The following PDZRN3 variants were observed in gnomAD, a reference collection of about 807,000 sequenced individuals.
PDZRN3 encodes the protein PDZ domain containing ring finger 3, also known as E3 ubiquitin-protein ligase PDZRN3.
A neutral mutation model predicts 85.7 loss-of-function variants in PDZRN3; 38 were observed. That is an observed-to-expected ratio of 0.44 (90% CI 0.34 to 0.58). PDZRN3 has a LOEUF of 0.58. PDZRN3 is among the 20% of genes least tolerant of loss of function. The probability of loss-of-function intolerance (pLI) is 0.01; values close to 1 mark genes in which losing one functional copy is unlikely to be tolerated. For synonymous variants in PDZRN3, 759 were observed against 638.0 expected, an observed-to-expected ratio of 1.19 and a Z score of -2.86; for missense variants, 1,629 against 1,506.4, an observed-to-expected ratio of 1.08 and a Z score of -1.35.
At chr3:73,525,297 G>A (rs1253173113) in intron 3 of PDZRN3, among the ~76,000 whole-genome samples, 3 of 152,068 alleles carry the variant, frequency 2.0e-5, no homozygotes, top group South Asian at 2.1e-4. Flanking sequence ...CTATGTATAC[G>A]TGTGTGTATA....
At chr3:73,588,955 A>T (rs1203406668) in intron 3 of PDZRN3, among the ~76,000 whole-genome samples, 1 of 151,164 alleles carries the variant, frequency 6.6e-6, no homozygotes, top group East Asian at 1.9e-4. Context: ...ATGAAGGGGG[A>T]CTCTTTCCAC....
intron 3 of PDZRN3, among the ~76,000 whole-genome samples, chr3:73,579,390 G>A (rs1006468379): frequency 1.3e-5 from 2 of 152,026 alleles, no homozygotes; most frequent in African/African-American, 4.8e-5. Flanking sequence ...TACTCTGTGG[G>A]GTCTAAAGCC....
chr3:73,426,432 CA>C (rs1702316606), intron 3 of PDZRN3, among the ~76,000 whole-genome samples: 1 of 152,152 alleles, frequency 6.6e-6, no homozygotes, highest in African/African-American at 2.4e-5. Flanking sequence ...CTCTCCTTTA[CA>C]GACAAAATTC....
At chr3:73,506,261 C>T (rs1704068943) in intron 3 of PDZRN3, among the ~76,000 whole-genome samples, 1 of 152,132 alleles carries the variant, frequency 6.6e-6, no homozygotes, top group Admixed American at 6.6e-5. Flanking sequence ...TGAAGTCGGG[C>T]CTGGGCAGGA....
At chr3:73,458,349 C>T (rs1031846283) in intron 3 of PDZRN3, among the ~76,000 whole-genome samples, 11 of 151,748 alleles carry the variant, frequency 7.2e-5, no homozygotes, top group African/African-American at 2.7e-4. Flanking sequence ...AGACTGGCCA[C>T]CTCTAAGTAC....
At chr3:73,421,510 A>G (rs1702202358) in intron 3 of PDZRN3, among the ~76,000 whole-genome samples, 1 of 152,204 alleles carries the variant, frequency 6.6e-6, no homozygotes, top group Non-Finnish European at 1.5e-5. Flanking sequence ...TGCTGCCTTT[A>G]AGACAATCAG....
intron 3 of PDZRN3, among the ~76,000 whole-genome samples, chr3:73,449,654 T>A (rs1702819842): frequency 6.6e-6 from 1 of 152,222 alleles, no homozygotes; most frequent in African/African-American, 2.4e-5. Flanking sequence ...TTCGGTAATA[T>A]AATCAAGCTT....
intron 3 of PDZRN3, among the ~76,000 whole-genome samples, chr3:73,552,225 AGTGTGTGT>A (rs55784793): frequency 2.6e-4 from 39 of 147,832 alleles, no homozygotes; most frequent in South Asian, 2.2e-3. Context: ...GAATTAAAGG[AGTGTGTGT>A]GTGTGTGTGT....
chr3:73,450,526 G>A (rs1406184095), intron 3 of PDZRN3, among the ~76,000 whole-genome samples: 1 of 152,156 alleles, frequency 6.6e-6, no homozygotes, highest in African/African-American at 2.4e-5. Context: ...TTTCTTTTTA[G>A]CAGGGAGGAC....
intron 3 of PDZRN3, among the ~76,000 whole-genome samples, chr3:73,458,662 T>A (rs1374354773): frequency 6.6e-6 from 1 of 150,930 alleles, no homozygotes; most frequent in Non-Finnish European, 1.5e-5. Flanking sequence ...CTCACACCTC[T>A]ATGAAGAAAT....
chr3:73,389,976 C>G lies in PDZRN3; in HGVS notation c.1354-98G>C, dbSNP rs1416477793. Reference sequence around the variant, plus strand: ...ATTTCTAAAACACAGTCATGCTCACCCCTGTGTTTCTGTTTTGCACAGAAA... The same window carrying G: ...ATTTCTAAAACACAGTCATGCTCACGCCTGTGTTTCTGTTTTGCACAGAAA... On this transcript the variant is annotated intron_variant, in intron 6 of 9. Coordinates refer to ENST00000263666, the MANE Select transcript of PDZRN3 (RefSeq NM_015009.3). The G allele has an allele frequency of 3.4e-6, 3 of 869,970 alleles. No homozygotes were observed. In the South Asian group the frequency reaches 4.0e-5, roughly 12 times the overall value. 53.9% of individuals were successfully genotyped at this position (869,970 alleles called of 1,614,324 possible). A position where few individuals can be genotyped will look rare whatever the true frequency, so the allele number is the denominator to read the frequency against.
chr3:73,431,815 C>G (rs868612442), intron 3 of PDZRN3, among the ~76,000 whole-genome samples: 1 of 151,998 alleles, frequency 6.6e-6, no homozygotes, highest in South Asian at 2.1e-4. Flanking sequence ...AAAAAACAAA[C>G]AACAGAATCC....
At chr3:73,410,450 T>C (rs1277909365) in intron 3 of PDZRN3, among the ~76,000 whole-genome samples, 5 of 152,212 alleles carry the variant, frequency 3.3e-5, no homozygotes, top group South Asian at 2.1e-4. Context: ...TGGGTTCTAG[T>C]TGGGACCTCA....
chr3:73,605,198 C>A (rs1702579326), intron 2 of PDZRN3, among the ~76,000 whole-genome samples: 1 of 146,896 alleles, frequency 6.8e-6, no homozygotes, highest in Non-Finnish European at 1.5e-5. Flanking sequence ...CAGAGTGAGA[C>A]CCCCGTCTCA....
chr3:73,437,116 T>A (rs1702546680), intron 3 of PDZRN3, among the ~76,000 whole-genome samples: 1 of 151,882 alleles, frequency 6.6e-6, no homozygotes, highest in South Asian at 2.1e-4. Flanking sequence ...TTAAGCAATA[T>A]TTATCATATT....
intron 3 of PDZRN3, among the ~76,000 whole-genome samples, chr3:73,553,917 C>T (rs1243034102): frequency 1.3e-5 from 2 of 152,156 alleles, no homozygotes; most frequent in Non-Finnish European, 2.9e-5. Flanking sequence ...GCCAGAGCCA[C>T]AACGGGCATA....
At chr3:73,415,285 T>G (rs973288654) in intron 3 of PDZRN3, among the ~76,000 whole-genome samples, 1 of 152,062 alleles carries the variant, frequency 6.6e-6, no homozygotes, top group African/African-American at 2.4e-5. Flanking sequence ...GGGAAAGGCA[T>G]GTGCAAAGGT....
At chr3:73,399,576 G>A (rs1000852178) in intron 5 of PDZRN3, among the ~76,000 whole-genome samples, 8 of 152,136 alleles carry the variant, frequency 5.3e-5, no homozygotes, top group African/African-American at 1.9e-4. Context: ...AAGGAGTCAC[G>A]GCTGCTTCAC....
chr3:73,390,635 ATGTG>A (rs746695153), intron 6 of PDZRN3, among the ~76,000 whole-genome samples: 17 of 139,372 alleles, frequency 1.2e-4, no homozygotes, highest in Admixed American at 1.1e-3. Flanking sequence ...AGAAAAAAAA[ATGTG>A]TGTGTGTGTG....
Sources: gnomAD v4.1 joint callset for allele counts (sites outside exome capture counted in the v4.1 genomes callset) on GRCh38, gnomAD v4.1.1 for gene constraint, MANE v1.5 for transcripts, NCBI Gene and HGNC (gene_info 2026-07-23, HGNC 2026-07-21) for gene names.